Variants in GPC5 observed in about 807,000 individuals in gnomAD.
The protein encoded by GPC5 is glypican 5.
In GPC5, 47 loss-of-function variants were observed where a neutral mutation model predicts 53.9. The observed-to-expected ratio is 0.87, with a 90% CI of 0.69 to 1.11. GPC5 has a LOEUF of 1.11. Ranked by LOEUF, GPC5 falls within the 50% of genes most tolerant of loss-of-function variation. GPC5 has a pLI of 0.00. For synonymous variants in GPC5, 286 were observed against 263.3 expected, an observed-to-expected ratio of 1.09 and a Z score of -0.84; for missense variants, 748 against 713.1, an observed-to-expected ratio of 1.05 and a Z score of -0.56.
intron 7 of GPC5, among the ~76,000 whole-genome samples, chr13:92,358,988 T>G (rs1339181186): frequency 6.6e-6 from 1 of 151,870 alleles, no homozygotes; most frequent in Non-Finnish European, 1.5e-5. Flanking sequence ...ATTCTTCCCC[T>G]GAATGTGGGT....
chr13:92,061,630 A>G (rs1328608120), intron 6 of GPC5, among the ~76,000 whole-genome samples: 3 of 152,118 alleles, frequency 2.0e-5, no homozygotes, highest in African/African-American at 7.2e-5. Context: ...AAATAGAAAC[A>G]TAATTTACTC....
intron 5 of GPC5, among the ~76,000 whole-genome samples, chr13:91,823,778 A>G (rs1424108113): frequency 6.6e-6 from 1 of 152,096 alleles, no homozygotes; most frequent in African/African-American, 2.4e-5. Context: ...TGTCTATTAT[A>G]ATATATGTAA....
At chr13:92,744,338 G>C (rs1446855220) in intron 7 of GPC5, among the ~76,000 whole-genome samples, 1 of 152,064 alleles carries the variant, frequency 6.6e-6, no homozygotes, top group Non-Finnish European at 1.5e-5. Context: ...TATGTGGCAT[G>C]AAGGATGTTT....
At chr13:92,241,059 A>G (rs565362373) in intron 7 of GPC5, 1 of 152,296 alleles carries the variant, frequency 6.6e-6, no homozygotes, top group African/African-American at 2.4e-5. Context: ...ATTATTCTTT[A>G]GAGAAATACT....
At chr13:92,854,622 C>G (rs1490985882) in intron 7 of GPC5, among the ~76,000 whole-genome samples, 2 of 151,872 alleles carry the variant, frequency 1.3e-5, no homozygotes, top group Admixed American at 6.6e-5. Context: ...TGACTTTTCT[C>G]AAAGGGAATA....
intron 2 of GPC5, among the ~76,000 whole-genome samples, chr13:91,618,117 G>A (rs2033748581): frequency 6.6e-6 from 1 of 152,086 alleles, no homozygotes; most frequent in African/African-American, 2.4e-5. Context: ...TCAGGTTAAT[G>A]GAGGCATTAG....
At chr13:92,413,110 C>T (rs1001103295) in intron 7 of GPC5, among the ~76,000 whole-genome samples, 11 of 152,126 alleles carry the variant, frequency 7.2e-5, no homozygotes, top group South Asian at 4.1e-4. Flanking sequence ...TAGACAAAGA[C>T]GCAGGAAGTT....
chr13:91,526,175 G>T (rs1886078532), intron 2 of GPC5, among the ~76,000 whole-genome samples: 1 of 152,178 alleles, frequency 6.6e-6, no homozygotes, highest in Admixed American at 6.5e-5. Context: ...AGTAGGGACA[G>T]AAGGAGAGAC....
chr13:92,706,774 G>T (rs1439567193), intron 7 of GPC5, among the ~76,000 whole-genome samples: 2 of 152,082 alleles, frequency 1.3e-5, no homozygotes, highest in Non-Finnish European at 2.9e-5. Context: ...TAATTGAACT[G>T]TACATACTTA....
At chr13:92,409,180 C>T (rs61973583) in intron 7 of GPC5, among the ~76,000 whole-genome samples, 10,780 of 151,576 alleles carry the variant, frequency 0.071, 408 homozygotes, top group Admixed American at 0.097. Flanking sequence ...AATAATTTTA[C>T]GATATTTGAT....
At chr13:92,385,620 CATACACATATATACATATATACCTAT>C (rs1156466962) in intron 7 of GPC5, among the ~76,000 whole-genome samples, 3 of 138,402 alleles carry the variant, frequency 2.2e-5, no homozygotes, top group Non-Finnish European at 4.6e-5. Flanking sequence ...TATACATATA[CATACACATATATACATATATACCTAT>C]ATACACATAT....
intron 3 of GPC5, among the ~76,000 whole-genome samples, chr13:91,700,996 G>A (rs184062500): frequency 7.8e-4 from 119 of 152,080 alleles, no homozygotes; most frequent in Non-Finnish European, 1.5e-3. Flanking sequence ...ACAATCCTCC[G>A]GCTACTTTTG....
At chr13:92,794,559 A>G (rs1876587668) in intron 7 of GPC5, among the ~76,000 whole-genome samples, 1 of 152,140 alleles carries the variant, frequency 6.6e-6, no homozygotes, top group Non-Finnish European at 1.5e-5. Context: ...GAAAGAAATA[A>G]AGTGTATTCC....
At chr13:92,406,582 T>C (rs1875806482) in intron 7 of GPC5, among the ~76,000 whole-genome samples, 1 of 152,108 alleles carries the variant, frequency 6.6e-6, no homozygotes, top group Non-Finnish European at 1.5e-5. Context: ...GATAGGTCGG[T>C]TGGATGGGAA....
At chr13:91,796,375 C>T (rs1439593965) in intron 5 of GPC5, among the ~76,000 whole-genome samples, 5 of 152,126 alleles carry the variant, frequency 3.3e-5, no homozygotes, top group Non-Finnish European at 7.4e-5. Flanking sequence ...CAGCAATCAG[C>T]AGTGGTGGAC....
At chr13:91,765,880 A>G (rs2037512765) in intron 5 of GPC5, among the ~76,000 whole-genome samples, 1 of 152,238 alleles carries the variant, frequency 6.6e-6, no homozygotes, top group African/African-American at 2.4e-5. Flanking sequence ...AGAGGGTCAT[A>G]TTATATTTGA....
rs1882305176 is a variant in GPC5, at chr13:92,551,345, CAA to C, written c.1562-314934_1562-314933del. ...AATAATTAAATAAAAATTGAGATAT[CAA>C]AAGTCTCCTTAAATTTGTAAAAGTC... On this transcript the variant is annotated intron_variant, in intron 7 of 7. Coordinates refer to ENST00000377067, the MANE Select transcript of GPC5 (RefSeq NM_004466.6). 2.7e-5 allele frequency among the ~76,000 whole-genome samples: 4 copies of C among 149,958 alleles called. No individual in the cohort carries two copies. The South Asian group carries it at 8.4e-4, about 32-fold the overall frequency.
rs371600433 is a variant in GPC5, at chr13:91,887,465, G to T, written c.1281-20472G>T. On this transcript the variant is annotated intron_variant, in intron 5 of 7. Transcript: ENST00000377067. ...CTGGTGATTAACATTTGGATCCTTG[G>T]ATCCTTGTTATTTATGCAAATTTCT... 1.5e-3 allele frequency among the ~76,000 whole-genome samples: 234 copies of T among 152,272 alleles called. 1 individual carries two copies. In the Middle Eastern group the frequency reaches 0.054, roughly 35 times the overall value.
At chr13:92,055,567 A>C (rs527912565) in intron 6 of GPC5, among the ~76,000 whole-genome samples, 1 of 152,308 alleles carries the variant, frequency 6.6e-6, no homozygotes, top group East Asian at 1.9e-4. Context: ...TCAAAAGTTT[A>C]AATATTTTAA....
Sources: gnomAD v4.1 joint callset for allele counts (sites outside exome capture counted in the v4.1 genomes callset) on GRCh38, gnomAD v4.1.1 for gene constraint, MANE v1.5 for transcripts, NCBI Gene and HGNC (gene_info 2026-07-23, HGNC 2026-07-21) for gene names.